Variants in GATAD1 observed in about 807,000 individuals in gnomAD.
GATAD1 encodes the protein GATA zinc finger domain-containing protein 1.
In GATAD1, 12 loss-of-function variants were observed where a neutral mutation model predicts 26.5. The observed-to-expected ratio is 0.45, with a 90% confidence interval of 0.29 to 0.73. The LOEUF is 0.73. Among genes scored for constraint, GATAD1 ranks in the 30% least tolerant of loss-of-function variants. The pLI is 0.10. For missense variants in GATAD1, 266 were observed against 342.1 expected (o/e 0.78, Z 1.75); for synonymous variants, 129 against 133.1 (o/e 0.97, Z 0.21).
the GATAD1 span, chr7:92,493,116 T>G: frequency 3.8e-5 from 61 of 1,600,868 alleles, no homozygotes; most frequent in African/African-American, 8.0e-4. Context: ...ATTTAAAATT[T>G]CAAGACGTGA....
chr7:92,494,538 G>T, the GATAD1 span: 2 of 1,613,580 alleles, frequency 1.2e-6, no homozygotes, highest in Non-Finnish European at 1.7e-6. Context: ...TTAACTACTC[G>T]GTCTGTAACT....
chr7:92,469,347 C>A, the GATAD1 span: 3 of 765,298 alleles, frequency 3.9e-6, no homozygotes, highest in African/African-American at 5.1e-5. Context: ...TGTAGTAGAA[C>A]TGAGTAGAGG....
the GATAD1 span, among the ~76,000 whole-genome samples, chr7:92,467,339 T>C: frequency 1.3e-5 from 2 of 152,076 alleles, no homozygotes; most frequent in Non-Finnish European, 2.9e-5. Flanking sequence ...TATATACATA[T>C]ATATATTTCA....
chr7:92,491,427 C>G, the GATAD1 span: 2 of 1,613,704 alleles, frequency 1.2e-6, no homozygotes, highest in African/African-American at 2.7e-5. Context: ...CCAGCTGAAT[C>G]GTCAGAGCCA....
chr7:92,474,309 A>G, the GATAD1 span, among the ~76,000 whole-genome samples: 1 of 152,200 alleles, frequency 6.6e-6, no homozygotes, highest in Non-Finnish European at 1.5e-5. Flanking sequence ...TGATAAACTT[A>G]CGCTTTAAGA....
At chr7:92,449,519 T>A (rs1301694227) in intron 2 of GATAD1, 1 of 976,112 alleles carries the variant, frequency 1.0e-6, no homozygotes, top group African/African-American at 1.8e-5. Flanking sequence ...GACAGTGCAT[T>A]ATGGACTATT....
At chr7:92,489,843 C>T in the GATAD1 span, 1 of 1,614,064 alleles carries the variant, frequency 6.2e-7, no homozygotes, top group Non-Finnish European at 8.5e-7. Flanking sequence ...GTGAAAACAA[C>T]TGGTCTTTCC....
chr7:92,481,923 G>A, the GATAD1 span, among the ~76,000 whole-genome samples: 239 of 152,310 alleles, frequency 1.6e-3, 1 homozygote, highest in African/African-American at 5.2e-3. Flanking sequence ...GAATTATGCC[G>A]AGGTATGTAA....
chr7:92,473,643 T>C, the GATAD1 span, among the ~76,000 whole-genome samples: 1 of 151,686 alleles, frequency 6.6e-6, no homozygotes, highest in South Asian at 2.1e-4. Context: ...TAGAAAAGCA[T>C]GTGAAAAGAA....
the GATAD1 span, among the ~76,000 whole-genome samples, chr7:92,473,946 C>T: frequency 1.3e-5 from 2 of 152,242 alleles, no homozygotes; most frequent in South Asian, 4.1e-4. Flanking sequence ...TCCCCTGGGG[C>T]AGTGGGCCTT....
the GATAD1 span, among the ~76,000 whole-genome samples, chr7:92,473,991 G>A: frequency 6.6e-6 from 1 of 152,240 alleles, no homozygotes; most frequent in Middle Eastern, 3.4e-3. Flanking sequence ...GCATGGACGA[G>A]GGGGCGGCTT....
At chr7:92,452,583 G>T (rs1356326156) in intron 3 of GATAD1, among the ~76,000 whole-genome samples, 1 of 152,226 alleles carries the variant, frequency 6.6e-6, no homozygotes, top group Non-Finnish European at 1.5e-5. Flanking sequence ...GCCTAAACTA[G>T]TGCTGTTCTC....
In GATAD1 at chr7:92,448,835, C is replaced by T; in HGVS notation, c.333C>T (p.Ser111=). 6.2e-7 allele frequency: 1 copy of T among 1,611,370 alleles called. No individual in the cohort carries two copies. Among genetic ancestry groups the T allele is most frequent in the Non-Finnish European group, 8.5e-7 (1 of 1,177,502 alleles). ...KSAPAAEKKV[S]TKGKGRRHIF... Reference sequence around the variant, plus strand: ...CTCCGGCTGCTGAAAAGAAAGTCTCCACCAAAGGAAAAGGGAGAAGACATA... The same window carrying T: ...CTCCGGCTGCTGAAAAGAAAGTCTCTACCAAAGGAAAAGGGAGAAGACATA... Residue 111 remains serine (S), a synonymous_variant, in exon 2 of 5, where the codon TCC becomes TCT. Coordinates refer to ENST00000287957, the MANE Select transcript of GATAD1 (RefSeq NM_021167.5).
the GATAD1 span, among the ~76,000 whole-genome samples, chr7:92,476,513 T>C: frequency 6.6e-6 from 1 of 152,242 alleles, no homozygotes; most frequent in Non-Finnish European, 1.5e-5. Flanking sequence ...AATTATCAAG[T>C]ACAGGTTTTA....
At chr7:92,476,733 T>C in the GATAD1 span, among the ~76,000 whole-genome samples, 1 of 151,830 alleles carries the variant, frequency 6.6e-6, no homozygotes, top group Admixed American at 6.6e-5. Context: ...TTTACAAACT[T>C]GGGGCCCTGG....
the GATAD1 span, chr7:92,489,530 T>C: frequency 9.2e-7 from 1 of 1,085,452 alleles, no homozygotes; most frequent in Non-Finnish European, 1.4e-6. Context: ...AGACCATACG[T>C]TCTCTTCCTT....
At chr7:92,448,038 C>T (rs1477169828) in intron 1 of GATAD1, 60 bp downstream of exon 1, 1 of 1,174,118 alleles carries the variant, frequency 8.5e-7, no homozygotes, top group Non-Finnish European at 1.1e-6. Flanking sequence ...CGGGCGGGGA[C>T]GGGCTGGCTG....
the GATAD1 span, among the ~76,000 whole-genome samples, chr7:92,481,139 C>T: frequency 6.6e-6 from 1 of 152,106 alleles, no homozygotes; most frequent in Admixed American, 6.6e-5. Context: ...GCGATCAGGC[C>T]TGGTGGAACT....
At chr7:92,452,902 T>C (rs536687799) in intron 3 of GATAD1, among the ~76,000 whole-genome samples, 1 of 152,364 alleles carries the variant, frequency 6.6e-6, no homozygotes, top group South Asian at 2.1e-4. Flanking sequence ...TCATTTAGAA[T>C]TTGGGAATAT....
Sources: gnomAD v4.1 joint callset for allele counts (sites outside exome capture counted in the v4.1 genomes callset) on GRCh38, gnomAD v4.1.1 for gene constraint, MANE v1.5 for transcripts, NCBI Gene and HGNC (gene_info 2026-07-23, HGNC 2026-07-21) for gene names.